TMEM229B: variants seen among roughly 807,000 people sequenced by gnomAD.
The protein encoded by TMEM229B is transmembrane protein 229B.
TMEM229B carries 6 observed loss-of-function variants against 13.7 expected under a neutral mutation model. The ratio of observed to expected loss-of-function variants is 0.44; its 90% confidence interval spans 0.24 to 0.86. The LOEUF is 0.86. Ranked by LOEUF, TMEM229B falls within the 40% of genes least tolerant of loss-of-function variation. TMEM229B has a pLI of 0.23. For missense variants in TMEM229B, 170 were observed against 236.0 expected (o/e 0.72, Z 1.83); for synonymous variants, 107 against 102.1 (o/e 1.05, Z -0.29).
chr14:67,476,181 A>G (rs2031180906), intron 2 of TMEM229B, among the ~76,000 whole-genome samples: 1 of 152,262 alleles, frequency 6.6e-6, no homozygotes, highest in South Asian at 2.1e-4. Flanking sequence ...TGGGAATTCC[A>G]GCCTCACATT....
chr14:67,475,691 G>A (rs2031142679), intron 2 of TMEM229B, among the ~76,000 whole-genome samples: 1 of 152,180 alleles, frequency 6.6e-6, no homozygotes, highest in Non-Finnish European at 1.5e-5. Context: ...CCAATGGATT[G>A]ACACAGGAAA....
At chr14:67,482,690 C>G (rs1447509786) in intron 2 of TMEM229B, among the ~76,000 whole-genome samples, 1 of 152,202 alleles carries the variant, frequency 6.6e-6, no homozygotes, top group Non-Finnish European at 1.5e-5. Flanking sequence ...CTGAACTTCC[C>G]CTGTTGTCAT....
At chr14:67,525,066 T>C (rs1377472122) in intron 1 of TMEM229B, among the ~76,000 whole-genome samples, 3 of 152,184 alleles carry the variant, frequency 2.0e-5, no homozygotes, top group Non-Finnish European at 2.9e-5. Flanking sequence ...TTTTAAAACA[T>C]TTTAATAGCT....
At chr14:67,493,750 T>C (rs1277738909) in intron 1 of TMEM229B, among the ~76,000 whole-genome samples, 9 of 152,194 alleles carry the variant, frequency 5.9e-5, no homozygotes, top group Non-Finnish European at 1.3e-4. Context: ...CCTGAGATTC[T>C]TGTTGGAATG....
At chr14:67,479,360 G>C (rs902611456) in intron 2 of TMEM229B, among the ~76,000 whole-genome samples, 1 of 148,616 alleles carries the variant, frequency 6.7e-6, no homozygotes, top group Non-Finnish European at 1.5e-5. Context: ...AGCAGTGAGC[G>C]AGATCGTACC....
At chr14:67,531,910 CAAAA>C (rs5809352) in intron 1 of TMEM229B, among the ~76,000 whole-genome samples, 1 of 79,606 alleles carries the variant, frequency 1.3e-5, no homozygotes. Context: ...AACCTATGTC[CAAAA>C]AAAAAAAAAA....
intron 1 of TMEM229B, among the ~76,000 whole-genome samples, chr14:67,530,817 T>C (rs2033432189): frequency 6.6e-6 from 1 of 152,242 alleles, no homozygotes. Flanking sequence ...TTGTGCCAGC[T>C]TGCCAATACA....
intron 1 of TMEM229B, among the ~76,000 whole-genome samples, chr14:67,512,441 G>T (rs1302608524): frequency 6.6e-6 from 1 of 152,168 alleles, no homozygotes; most frequent in Non-Finnish European, 1.5e-5. Flanking sequence ...CTAAGGCTTT[G>T]CCAGGTCAGA....
intron 1 of TMEM229B, among the ~76,000 whole-genome samples, chr14:67,527,393 G>A (rs978181768): frequency 3.3e-5 from 5 of 152,026 alleles, no homozygotes; most frequent in African/African-American, 9.7e-5. Flanking sequence ...AGCCGATATC[G>A]CACCATTGCA....
At chr14:67,526,164 G>A (rs191269823) in intron 1 of TMEM229B, among the ~76,000 whole-genome samples, 11 of 152,288 alleles carry the variant, frequency 7.2e-5, no homozygotes, top group South Asian at 2.1e-4. Flanking sequence ...CTGGAAATGC[G>A]CACTCTCCAT....
At chr14:67,532,394 C>T (rs2033490608) in intron 1 of TMEM229B, among the ~76,000 whole-genome samples, 1 of 152,168 alleles carries the variant, frequency 6.6e-6, no homozygotes, top group Non-Finnish European at 1.5e-5. Flanking sequence ...TCCCTCCCTG[C>T]AATGGTCTCT....
At chr14:67,508,650 G>T (rs1202558873) in intron 1 of TMEM229B, among the ~76,000 whole-genome samples, 1 of 150,410 alleles carries the variant, frequency 6.6e-6, no homozygotes, top group Non-Finnish European at 1.5e-5. Flanking sequence ...GAAGGCTGAG[G>T]CTAGAGGATC....
At chr14:67,489,196 C>T (rs529336173), upstream of TMEM229B, among the ~76,000 whole-genome samples, 1 of 152,296 alleles carries the variant, frequency 6.6e-6, no homozygotes, top group African/African-American at 2.4e-5. Flanking sequence ...ATGGTCACCT[C>T]TATTTTAGAA....
chr14:67,526,856 C>T (rs1210566382), intron 1 of TMEM229B, among the ~76,000 whole-genome samples: 2 of 152,082 alleles, frequency 1.3e-5, no homozygotes, highest in Non-Finnish European at 2.9e-5. Context: ...AACTCACCCC[C>T]TTTTACAAAG....
At chr14:67,493,132 T>C (rs1271117527), upstream of TMEM229B, among the ~76,000 whole-genome samples, 1 of 152,166 alleles carries the variant, frequency 6.6e-6, no homozygotes, top group African/African-American at 2.4e-5. Context: ...TAGGAGAAAG[T>C]TAGACAAGTT....
rs2030879865 is a variant in TMEM229B, at chr14:67,473,169, C to A, written c.*251G>T. On this transcript the variant is annotated 3_prime_UTR_variant, in exon 3 of 3. Transcript: ENST00000554480. This position sits in a 1 kb window ranked among gnomAD's most constrained non-coding sequence, Gnocchi z 6.5. ...TCAGCCACAGGCCTCCTGGTACCAA[C>A]CCCTGAACTGGGCCGCGATCCATGG... is the stretch of plus-strand genomic sequence containing the variant. The A allele has an allele frequency of 9.5e-6, 5 of 527,794 alleles. No homozygotes were observed. In the Admixed American group the frequency reaches 1.6e-4, roughly 17 times the overall value. The allele number at this position is 527,794 out of a possible 1,614,324, so 32.7% of individuals were successfully genotyped here. A position where few individuals can be genotyped will look rare whatever the true frequency, so the allele number is the denominator to read the frequency against.
upstream of TMEM229B, among the ~76,000 whole-genome samples, chr14:67,520,382 C>T (rs1031688536): frequency 2.4e-4 from 36 of 152,316 alleles, no homozygotes; most frequent in African/African-American, 8.2e-4. Flanking sequence ...GTTCTTTTCA[C>T]CTGCTCTACA....
intron 1 of TMEM229B, among the ~76,000 whole-genome samples, chr14:67,509,928 T>G (rs1190397763): frequency 6.6e-6 from 1 of 152,186 alleles, no homozygotes; most frequent in Non-Finnish European, 1.5e-5. Context: ...GAGGATCACT[T>G]GAACCCAGGA....
At chr14:67,506,077 C>T (rs964508254) in intron 1 of TMEM229B, among the ~76,000 whole-genome samples, 2 of 152,132 alleles carry the variant, frequency 1.3e-5, no homozygotes, top group Non-Finnish European at 2.9e-5. Context: ...TCTGAGAATC[C>T]GATAAAAATA....
Sources: allele counts gnomAD v4.1 joint callset (sites outside exome capture counted in the v4.1 genomes callset), GRCh38; gene constraint gnomAD v4.1.1; non-coding constraint Gnocchi (gnomAD v3.1); transcripts MANE v1.5; gene names NCBI Gene and HGNC (gene_info 2026-07-23, HGNC 2026-07-21).